PPP6R3: variants seen among roughly 807,000 people sequenced by gnomAD.
PPP6R3 encodes serine/threonine-protein phosphatase 6 regulatory subunit 3.
In PPP6R3, 38 loss-of-function variants were observed where a neutral mutation model predicts 110.7. The observed-to-expected ratio is 0.34, with a 90% CI of 0.26 to 0.45. The LOEUF (loss-of-function observed/expected upper bound fraction) is 0.45, where lower values mean the gene tolerates loss of function less well. PPP6R3 is among the 20% of genes least tolerant of loss of function. PPP6R3 has a pLI of 1.00. For synonymous variants in PPP6R3, 369 were observed against 373.5 expected, an observed-to-expected ratio of 0.99 and a Z score of 0.14; for missense variants, 870 against 1,062.4, an observed-to-expected ratio of 0.82 and a Z score of 2.52.
At chr11:68,588,258 G>T (rs571294459) in intron 16 of PPP6R3, among the ~76,000 whole-genome samples, 1 of 152,062 alleles carries the variant, frequency 6.6e-6, no homozygotes, top group Non-Finnish European at 1.5e-5. Context: ...CAGCACTTTG[G>T]GGGGCTGAGG....
chr11:68,531,770 T>C (rs1313406258), intron 2 of PPP6R3, among the ~76,000 whole-genome samples: 1 of 152,188 alleles, frequency 6.6e-6, no homozygotes, highest in Non-Finnish European at 1.5e-5. Context: ...ATCTTTCTTA[T>C]TGACTCTCTA....
At chr11:68,601,236 G>A (rs1188118463) in intron 20 of PPP6R3, among the ~76,000 whole-genome samples, 3 of 152,092 alleles carry the variant, frequency 2.0e-5, no homozygotes, top group South Asian at 4.1e-4. Context: ...TTTATAACCC[G>A]AGGATAAGAG....
At chr11:68,467,835 C>T (rs1233678255) in intron 1 of PPP6R3, among the ~76,000 whole-genome samples, 7 of 152,142 alleles carry the variant, frequency 4.6e-5, no homozygotes, top group African/African-American at 7.2e-5. Context: ...AGTGTAGTGG[C>T]GCGATCTCGG....
In PPP6R3 at chr11:68,613,496, T is replaced by C. The variant is rs1944499138; in HGVS notation, c.*379T>C. Reference sequence around the variant, plus strand: ...ATTTGAAACATAACTTTGACAATTATTAGTGTGACCAAAGTATTAGGCGGT... The same window carrying C: ...ATTTGAAACATAACTTTGACAATTACTAGTGTGACCAAAGTATTAGGCGGT... On this transcript the variant is annotated 3_prime_UTR_variant, in exon 24 of 24. Coordinates refer to ENST00000393800, the MANE Select transcript of PPP6R3 (RefSeq NM_001164161.2). 1 of 992,864 alleles carries C rather than the reference T, an allele frequency of 1.0e-6. No individual in the cohort carries two copies. Among genetic ancestry groups the C allele is most frequent in the Admixed American group, 6.1e-5 (1 of 16,456 alleles). The allele number at this position is 992,864 out of a possible 1,614,324, so 61.5% of individuals were successfully genotyped here.
intron 3 of PPP6R3, 111 bp from the exon 4 acceptor site, chr11:68,544,727 A>G: frequency 1.4e-6 from 1 of 711,132 alleles, no homozygotes; most frequent in Non-Finnish European, 2.2e-6. Flanking sequence ...GATTTCCAGT[A>G]AACGATTTTA....
intron 5 of PPP6R3, 47 bp from the exon 6 acceptor site, chr11:68,551,074 A>G (rs1403158233): frequency 3.8e-6 from 5 of 1,325,410 alleles, no homozygotes; most frequent in Non-Finnish European, 5.4e-6. Context: ...TGGGGCTTGA[A>G]CAAGAGCCAC....
intron 2 of PPP6R3, among the ~76,000 whole-genome samples, chr11:68,534,890 T>C (rs559462008): frequency 6.6e-6 from 1 of 152,344 alleles, no homozygotes; most frequent in South Asian, 2.1e-4. Context: ...CTTCTCTTCC[T>C]CTGGGGAATG....
chr11:68,507,586 C>G (rs1377837925), intron 1 of PPP6R3, among the ~76,000 whole-genome samples: 1 of 152,078 alleles, frequency 6.6e-6, no homozygotes, highest in Non-Finnish European at 1.5e-5. Context: ...GAATTATCTT[C>G]CCATCTCATT....
At chr11:68,483,827 T>C (rs755440013) in intron 1 of PPP6R3, among the ~76,000 whole-genome samples, 6 of 152,206 alleles carry the variant, frequency 3.9e-5, no homozygotes, top group Non-Finnish European at 7.3e-5. Flanking sequence ...GTAGCCACCA[T>C]TGTAGTATCA....
intron 1 of PPP6R3, among the ~76,000 whole-genome samples, chr11:68,469,708 A>ATT (rs1565218055): frequency 2.0e-5 from 3 of 152,132 alleles, no homozygotes; most frequent in African/African-American, 7.2e-5. Flanking sequence ...TTAACTTGTA[A>ATT]TTGGACTATG....
intron 18 of PPP6R3, among the ~76,000 whole-genome samples, chr11:68,595,167 G>A (rs950364769): frequency 6.2e-5 from 9 of 144,478 alleles, no homozygotes; most frequent in Non-Finnish European, 1.1e-4. Flanking sequence ...AGATTTCTTA[G>A]ATGTATCACC....
At position 68,609,575 on chromosome 11, in the gene PPP6R3, T is replaced by C. The variant is rs1381684889; in HGVS notation, c.2451-329T>C. 5.2e-6 allele frequency: 8 copies of C among 1,550,558 alleles called. No individual in the cohort carries two copies. In the Admixed American group the frequency reaches 5.9e-5, roughly 11 times the overall value. ...TTCTAGGAGTATTCTGAAACTCTTG[T>C]ACATTTCTTTTTCTGTTTTGCACAC... is the stretch of plus-strand genomic sequence containing the variant. On this transcript the variant is annotated intron_variant, in intron 22 of 23. Transcript: ENST00000393800.
chr11:68,595,237 C>CG (rs1440190941), intron 18 of PPP6R3, among the ~76,000 whole-genome samples: 1 of 52,462 alleles, frequency 1.9e-5, no homozygotes, highest in Admixed American at 2.8e-4. Flanking sequence ...TTTTTGGAGA[C>CG]GGAGTTTTGT....
chr11:68,567,823 G>A (rs2099484497), intron 10 of PPP6R3, among the ~76,000 whole-genome samples: 1 of 152,146 alleles, frequency 6.6e-6, no homozygotes, highest in Admixed American at 6.5e-5. Context: ...ATATTTGGGG[G>A]AGATGTGGGG....
At chr11:68,525,678 A>C (rs924193830) in intron 2 of PPP6R3, among the ~76,000 whole-genome samples, 5 of 152,194 alleles carry the variant, frequency 3.3e-5, no homozygotes, top group African/African-American at 1.2e-4. Flanking sequence ...TTTTGTGACT[A>C]AGTTGCCAAT....
chr11:68,579,104 G>C lies in PPP6R3; in HGVS notation c.1545+3061G>C, dbSNP rs78630034. On this transcript the variant is annotated intron_variant, in intron 14 of 23. Transcript: ENST00000393800. ...TAGAAGAAGAGATGTAGAATGATCT[G>C]AATGTGTGCCTGTATTAATCACCAG... 2.6e-5 allele frequency among the ~76,000 whole-genome samples: 4 copies of C among 152,360 alleles called. No individual in the cohort carries two copies. The East Asian group carries it at 7.7e-4, about 29-fold the overall frequency.
intron 8 of PPP6R3, among the ~76,000 whole-genome samples, chr11:68,560,136 A>G (rs1240414192): frequency 6.6e-6 from 1 of 152,230 alleles, no homozygotes; most frequent in Non-Finnish European, 1.5e-5. Context: ...TTAAGCTCCT[A>G]CCTTACAAAT....
intron 7 of PPP6R3, among the ~76,000 whole-genome samples, chr11:68,556,000 T>C (rs1008647843): frequency 6.6e-6 from 1 of 152,220 alleles, no homozygotes; most frequent in African/African-American, 2.4e-5. Flanking sequence ...TTAGTAAACT[T>C]ATTAATCATA....
chr11:68,594,761 C>A (rs2099608326), intron 18 of PPP6R3, among the ~76,000 whole-genome samples: 1 of 152,116 alleles, frequency 6.6e-6, no homozygotes, highest in East Asian at 1.9e-4. Flanking sequence ...TGAAAAGGAT[C>A]TAGAATAGCC....
Sources: allele counts gnomAD v4.1 joint callset (sites outside exome capture counted in the v4.1 genomes callset), GRCh38; gene constraint gnomAD v4.1.1; transcripts MANE v1.5; gene names NCBI Gene and HGNC (gene_info 2026-07-23, HGNC 2026-07-21).